Variants in NCKAP5L observed in about 807,000 individuals in gnomAD.
NCKAP5L encodes the protein nck-associated protein 5-like.
In NCKAP5L, 54 loss-of-function variants were observed where a neutral mutation model predicts 103.2. The ratio of observed to expected loss-of-function variants is 0.52; its 90% confidence interval spans 0.42 to 0.66. The LOEUF is 0.66. NCKAP5L is among the 30% of genes least tolerant of loss of function. The pLI is 0.00. For synonymous variants in NCKAP5L, 762 were observed against 748.6 expected (o/e 1.02, Z -0.29); for missense variants, 1,733 against 1,750.6 (o/e 0.99, Z 0.18).
rs778038828 is a variant in NCKAP5L at position 49,792,553 on chromosome 12, G to A, written c.3685C>T (p.Gln1229Ter). The change falls in exon 12 of 13, where the codon CAG becomes TAG. Residue 1229 changes from glutamine (Q) to a stop codon, truncating the protein, a stop_gained. Coordinates refer to ENST00000335999, the MANE Select transcript of NCKAP5L (RefSeq NM_001037806.4). LOFTEE classifies it high-confidence loss of function. The surrounding 1 kb of genome is among the most constrained non-coding windows in gnomAD (Gnocchi z 4.5). ...GGGAAGGTCCAGTTCTTGGCCAGCT[G>A]GACAGGAGGGGTGGGGCCTGGGTCT... ...CEDPGPTPPV[Q>*]LAKNWTFPNT... 2.5e-6 allele frequency: 4 copies of A among 1,613,880 alleles called. No individual in the cohort carries two copies. The highest frequency in any genetic ancestry group is 3.4e-6 in the Non-Finnish European group (4 of 1,179,844).
At chr12:49,818,202 A>G (rs76546389) in intron 1 of NCKAP5L, among the ~76,000 whole-genome samples, 3,553 of 152,184 alleles carry the variant, frequency 0.023, 113 homozygotes, top group African/African-American at 0.077. Context: ...AAAATAAAAT[A>G]CAGGGTAAAA....
chr12:49,795,274 G>A lies in NCKAP5L; in HGVS notation c.2586C>T (p.Pro862=). ...TTGGGTCAGTGGGGCCAGGTACTAG[G>A]GGTGTGGACTGGGCCGTGGTACTAC... ...DCGSTTAQST[P]LVPGPTDPSQ... is the part of the protein sequence containing the mutation. The change falls in exon 8 of 13, where the codon CCC becomes CCT. Residue 862 remains proline (P), a synonymous_variant. Transcript: ENST00000335999. 6.5e-7 allele frequency: 1 copy of A among 1,536,712 alleles called. No homozygotes were observed. The highest frequency in any genetic ancestry group is 8.7e-7 in the Non-Finnish European group (1 of 1,143,822).
chr12:49,795,056 G>A lies in NCKAP5L; in HGVS notation c.2804C>T (p.Thr935Ile). ...CCCCTCCTTGTTCTTGGTGGCCTCT[G>A]TGCGGCGGTTCAGCGCTGGCAGCTT... ...KSKLPALNRR[T>I]EATKNKEGAG... The change falls in exon 8 of 13, where the codon ACA becomes ATA. Residue 935 changes from threonine (T) to isoleucine (I), a missense_variant. Coordinates refer to ENST00000335999, the MANE Select transcript of NCKAP5L (RefSeq NM_001037806.4). 1 of 1,610,926 alleles carries A rather than the reference G, an allele frequency of 6.2e-7. No homozygotes were observed. Among genetic ancestry groups the A allele is most frequent in the Non-Finnish European group, 8.5e-7 (1 of 1,178,764 alleles).
intron 1 of NCKAP5L, among the ~76,000 whole-genome samples, chr12:49,813,524 A>T (rs1946263627): frequency 6.6e-6 from 1 of 151,876 alleles, no homozygotes; most frequent in African/African-American, 2.4e-5. Context: ...AGAATTCTTT[A>T]TTTTTATTTT....
At chr12:49,799,457 G>A (rs1592751168) in intron 6 of NCKAP5L, among the ~76,000 whole-genome samples, 1 of 151,640 alleles carries the variant, frequency 6.6e-6, no homozygotes, top group Non-Finnish European at 1.5e-5. Context: ...CTACAGGCAC[G>A]TGTCACCATG....
rs1395123617 is a variant in NCKAP5L at position 49,797,444 on chromosome 12, C to T, written c.466-50G>A. On this transcript the variant is annotated intron_variant, in intron 7 of 12. Transcript: ENST00000335999. This position sits in a 1 kb window ranked among gnomAD's most constrained non-coding sequence, Gnocchi z 4.5. Reference sequence around the variant, plus strand: ...GGAGGAGACCACACACAGCTGGGATCCAGTTCCAGGCCCAGGCCCTGGGCT... The same window carrying T: ...GGAGGAGACCACACACAGCTGGGATTCAGTTCCAGGCCCAGGCCCTGGGCT... 7.1e-7 allele frequency: 1 copy of T among 1,400,442 alleles called. No homozygotes were observed. The highest frequency in any genetic ancestry group is 1.4e-5 in the African/African-American group (1 of 70,378). The allele number at this position is 1,400,442 out of a possible 1,614,324, so 86.8% of individuals were successfully genotyped here.
At chr12:49,815,490 C>T (rs1183228858) in intron 1 of NCKAP5L, among the ~76,000 whole-genome samples, 1 of 152,194 alleles carries the variant, frequency 6.6e-6, no homozygotes, top group Non-Finnish European at 1.5e-5. Context: ...CATTGAGAAT[C>T]TTTCAGGTTG....
chr12:49,802,700 G>A, intron 5 of NCKAP5L: 1 of 556,632 alleles, frequency 1.8e-6, no homozygotes, highest in South Asian at 2.4e-5. Flanking sequence ...ACTGCTTTAA[G>A]GGCTATCACA....
intron 1 of NCKAP5L, among the ~76,000 whole-genome samples, chr12:49,818,100 C>G (rs1000055936): frequency 6.6e-6 from 1 of 151,364 alleles, no homozygotes; most frequent in Non-Finnish European, 1.5e-5. Context: ...CTGCTGCACT[C>G]TGGCCTGGGT....
At chr12:49,807,692 A>G (rs774963411) in intron 1 of NCKAP5L, among the ~76,000 whole-genome samples, 1 of 152,194 alleles carries the variant, frequency 6.6e-6, no homozygotes. Context: ...ATGGGGTGAA[A>G]CCCAGAATGT....
In NCKAP5L at chr12:49,792,706, G is replaced by C; in HGVS notation, c.3621C>G (p.Gly1207=). The part of the protein sequence containing the change: ...AFPALLPAAP[G]HRGHETCPDD... ...CAGGACAGGTCTCATGGCCCCGGTG[G>C]CCCGGAGCAGCGGGTAGCAGTGCAG... is the stretch of plus-strand genomic sequence containing the variant. Residue 1207 remains glycine, a synonymous_variant, in exon 11 of 13, where the codon GGC becomes GGG. Coordinates refer to ENST00000335999, the MANE Select transcript of NCKAP5L (RefSeq NM_001037806.4). The surrounding 1 kb of genome is among the most constrained non-coding windows in gnomAD (Gnocchi z 4.5). The C allele has an allele frequency of 6.2e-7, 1 of 1,611,492 alleles. No individual in the cohort carries two copies. Among genetic ancestry groups the C allele is most frequent in the Non-Finnish European group, 8.5e-7 (1 of 1,179,164 alleles).
At chr12:49,827,682 C>T (rs1274561802) in intron 1 of NCKAP5L, among the ~76,000 whole-genome samples, 2 of 152,252 alleles carry the variant, frequency 1.3e-5, no homozygotes, top group Non-Finnish European at 2.9e-5. Context: ...ACCCTTCTCC[C>T]TCCCTTAGCT....
At position 49,794,418 on chromosome 12, in the gene NCKAP5L, T is replaced by A. The variant is rs538729593; in HGVS notation, c.3095+347A>T. Among the ~76,000 whole-genome samples the A allele has an allele frequency of 5.9e-5, 9 of 152,270 alleles. No homozygotes were observed. In the East Asian group the frequency reaches 1.4e-3, roughly 23 times the overall value. ...CAAGATGGGAAGAGGACTCCCCTTA[T>A]CCCTTTCCTGAGGGAGAAGACCTTT... On this transcript the variant is annotated intron_variant, in intron 8 of 12. Coordinates refer to ENST00000335999, the MANE Select transcript of NCKAP5L (RefSeq NM_001037806.4).
At position 49,792,976 on chromosome 12, in the gene NCKAP5L, G is replaced by A; in HGVS notation, c.3351C>T (p.Ser1117=). The change falls in exon 11 of 13, where the codon TCC becomes TCT. Residue 1117 remains serine, a synonymous_variant. Transcript: ENST00000335999. This position sits in a 1 kb window ranked among gnomAD's most constrained non-coding sequence, Gnocchi z 4.5. Reference sequence around the variant, plus strand: ...TGCCACTGTCCAAGGTTCGAGTCAAGGAGCCACAGGCTGGGGAGGGGAGGG... The same window carrying A: ...TGCCACTGTCCAAGGTTCGAGTCAAAGAGCCACAGGCTGGGGAGGGGAGGG... ...VPTSHFTACG[S]LTRTLDSGIG... is the part of the protein sequence containing the mutation. 1 of 1,546,120 alleles carries A rather than the reference G, an allele frequency of 6.5e-7. No homozygotes were observed. Among genetic ancestry groups the A allele is most frequent in the Non-Finnish European group, 8.7e-7 (1 of 1,154,292 alleles).
intron 1 of NCKAP5L, among the ~76,000 whole-genome samples, chr12:49,820,469 A>G (rs1946349312): frequency 6.6e-6 from 1 of 151,996 alleles, no homozygotes; most frequent in African/African-American, 2.4e-5. Context: ...GGCGCGTGCC[A>G]TTATGCCTGG....
chr12:49,821,800 G>A (rs931742463), intron 1 of NCKAP5L, among the ~76,000 whole-genome samples: 1 of 152,216 alleles, frequency 6.6e-6, no homozygotes, highest in African/African-American at 2.4e-5. Context: ...GAATGAACAG[G>A]CCGCTCATAT....
intron 8 of NCKAP5L, among the ~76,000 whole-genome samples, chr12:49,794,487 G>T (rs1444899149): frequency 1.3e-5 from 2 of 152,116 alleles, no homozygotes; most frequent in Admixed American, 1.3e-4. Flanking sequence ...ACTATCACAT[G>T]CAGGCTGCCT....
At chr12:49,803,721 G>A (rs1402315643) in intron 3 of NCKAP5L, among the ~76,000 whole-genome samples, 3 of 152,178 alleles carry the variant, frequency 2.0e-5, no homozygotes, top group African/African-American at 7.2e-5. Flanking sequence ...GCCGTCACTG[G>A]GCCGGGCAGC....
chr12:49,792,660 TC>T lies in NCKAP5L; in HGVS notation c.3649+17del. ...CAGGATGCCCAGGGGCATCCCACCC[TC>T]CCACCTGGACACTCACCATCAGGAC... On this transcript the variant is annotated intron_variant, in intron 11 of 12. Coordinates refer to ENST00000335999, the MANE Select transcript of NCKAP5L (RefSeq NM_001037806.4). This position sits in a 1 kb window ranked among gnomAD's most constrained non-coding sequence, Gnocchi z 4.5. 1 of 1,612,944 alleles carries T rather than the reference TC, an allele frequency of 6.2e-7. No individual in the cohort carries two copies. The highest frequency in any genetic ancestry group is 1.7e-4 in the Middle Eastern group (1 of 6,060).
Sources: gnomAD v4.1 joint callset for allele counts (sites outside exome capture counted in the v4.1 genomes callset) on GRCh38, gnomAD v4.1.1 for gene constraint, Gnocchi (gnomAD v3.1) non-coding constraint, MANE v1.5 for transcripts, NCBI Gene and HGNC (gene_info 2026-07-23, HGNC 2026-07-21) for gene names.